The following SENP2 variants were observed in gnomAD, a reference collection of about 807,000 sequenced individuals.
The protein encoded by SENP2 is SUMO specific peptidase 2.
In SENP2, 16 loss-of-function variants were observed where a neutral mutation model predicts 86.3. The ratio of observed to expected loss-of-function variants is 0.19; its 90% CI spans 0.13 to 0.28. SENP2 has a LOEUF of 0.28. Ranked by LOEUF, SENP2 falls within the 10% of genes least tolerant of loss-of-function variation. SENP2 has a pLI of 1.00. For synonymous variants in SENP2, 222 were observed against 238.7 expected, an observed-to-expected ratio of 0.93 and a Z score of 0.64; for missense variants, 552 against 703.0, an observed-to-expected ratio of 0.79 and a Z score of 2.43.
At chr3:185,603,903 C>G (rs546110203) in intron 5 of SENP2, among the ~76,000 whole-genome samples, 7 of 152,176 alleles carry the variant, frequency 4.6e-5, no homozygotes, top group Non-Finnish European at 8.8e-5. Flanking sequence ...GGGCAGATCA[C>G]TTGAGGCCAG....
At chr3:185,605,320 G>C (rs932012278) in intron 5 of SENP2, among the ~76,000 whole-genome samples, 1 of 151,618 alleles carries the variant, frequency 6.6e-6, no homozygotes, top group South Asian at 2.1e-4. Flanking sequence ...GCAGTGAGCC[G>C]AGATCGTGCC....
chr3:185,590,028 T>G, intron 1 of SENP2, 86 bp from the exon 2 acceptor site: 2 of 668,258 alleles, frequency 3.0e-6, no homozygotes, highest in Non-Finnish European at 2.4e-6. Context: ...AGAAGGGGGA[T>G]GTGTTATATG....
chr3:185,613,523 G>GT (rs950074953), intron 10 of SENP2, 115 bp downstream of exon 10: 8 of 617,002 alleles, frequency 1.3e-5, no homozygotes, highest in Non-Finnish European at 2.2e-5. Context: ...TAATTCTGTT[G>GT]TTTTTCTTTA....
rs974492159 is a variant in SENP2 at position 185,618,494 on chromosome 3, A to G, written c.1243-805A>G. On this transcript the variant is annotated intron_variant, in intron 12 of 16. Coordinates refer to ENST00000296257, the MANE Select transcript of SENP2 (RefSeq NM_021627.3). ...ACTTATAAACACATTCTTTGAAAAC[A>G]GGAATGTTTTGTTTTACATTATAAA... 7.2e-5 allele frequency among the ~76,000 whole-genome samples: 11 copies of G among 152,358 alleles called. No individual in the cohort carries two copies. The East Asian group carries it at 2.1e-3, about 29-fold the overall frequency.
chr3:185,602,921 T>C (rs1222174722), intron 5 of SENP2, among the ~76,000 whole-genome samples: 1 of 148,182 alleles, frequency 6.7e-6, no homozygotes, highest in African/African-American at 2.5e-5. Context: ...CTTTTTTTTT[T>C]TTTTTTTTTG....
chr3:185,612,869 G>A (rs151141344), intron 9 of SENP2, among the ~76,000 whole-genome samples: 7 of 152,224 alleles, frequency 4.6e-5, no homozygotes, highest in East Asian at 1.9e-4. Flanking sequence ...TCTCCCAGGC[G>A]TCAGGGGTTG....
At chr3:185,619,649 T>A (rs1711764836) in intron 13 of SENP2, 147 bp downstream of exon 13, 3 of 459,270 alleles carry the variant, frequency 6.5e-6, no homozygotes, top group African/African-American at 4.0e-5. Flanking sequence ...GTTTTTTTTT[T>A]AATGTCCCAT....
chr3:185,615,142 T>C (rs900511032), intron 11 of SENP2, among the ~76,000 whole-genome samples: 1 of 152,132 alleles, frequency 6.6e-6, no homozygotes, highest in East Asian at 1.9e-4. Context: ...TTGAAAATAG[T>C]AAAAACTTAC....
intron 13 of SENP2, among the ~76,000 whole-genome samples, chr3:185,620,007 T>G (rs1018076573): frequency 6.6e-6 from 1 of 151,874 alleles, no homozygotes; most frequent in Non-Finnish European, 1.5e-5. Flanking sequence ...GTGTTGGTAT[T>G]ACAGGTGTGA....
chr3:185,613,098 A>C (rs555060880), intron 9 of SENP2, among the ~76,000 whole-genome samples: 1 of 152,388 alleles, frequency 6.6e-6, no homozygotes, highest in South Asian at 2.1e-4. Context: ...ATTCATTTAC[A>C]TACTGTCTGG....
chr3:185,592,498 G>A (rs1429934024), intron 2 of SENP2, among the ~76,000 whole-genome samples: 1 of 152,142 alleles, frequency 6.6e-6, no homozygotes, highest in Admixed American at 6.6e-5. Context: ...TGGTAATTGA[G>A]TGTGGACATA....
intron 1 of SENP2, among the ~76,000 whole-genome samples, chr3:185,587,054 C>T (rs1258281666): frequency 6.6e-6 from 1 of 152,212 alleles, no homozygotes; most frequent in Non-Finnish European, 1.5e-5. Flanking sequence ...AGGTGCCTCA[C>T]TCCTTTAAAA....
chr3:185,611,568 G>A (rs1234202755), intron 7 of SENP2, 83 bp from the exon 8 acceptor site: 3 of 815,974 alleles, frequency 3.7e-6, no homozygotes, highest in Non-Finnish European at 6.1e-6. Flanking sequence ...CCTATTTGGA[G>A]AAGCTTGCTG....
At position 185,619,437 on chromosome 3, in the gene SENP2, G is replaced by T; in HGVS notation, c.1381G>T (p.Val461Leu). 2.5e-6 allele frequency: 4 copies of T among 1,614,104 alleles called. No homozygotes were observed. Among genetic ancestry groups the T allele is most frequent in the Non-Finnish European group, 3.4e-6 (4 of 1,179,978 alleles). ...YQAVKRWTKG[V>L]NLFEQEIILV... ...AGCAGTGAAACGATGGACCAAAGGGGTAAATCTCTTTGAACAAGAAATTAT... is the reference window on the plus strand; with the variant it reads ...AGCAGTGAAACGATGGACCAAAGGGTTAAATCTCTTTGAACAAGAAATTAT... The change falls in exon 13 of 17, where the codon GTA becomes TTA. Residue 461 changes from valine (V) to leucine (L), a missense_variant. Transcript: ENST00000296257.
intron 2 of SENP2, among the ~76,000 whole-genome samples, chr3:185,594,165 T>TAA (rs1342038449): frequency 6.8e-6 from 1 of 147,652 alleles, no homozygotes; most frequent in African/African-American, 2.5e-5. Context: ...TGGATGTGGT[T>TAA]AAAAAAAAAA....
intron 16 of SENP2, among the ~76,000 whole-genome samples, chr3:185,628,595 C>G (rs750806400): frequency 8.5e-5 from 13 of 152,210 alleles, no homozygotes; most frequent in Non-Finnish European, 1.5e-4. Context: ...CAACCTCCGC[C>G]TCCCGGGTTC....
At chr3:185,625,811 A>G (rs908990982) in intron 15 of SENP2, among the ~76,000 whole-genome samples, 3 of 152,194 alleles carry the variant, frequency 2.0e-5, no homozygotes, top group Non-Finnish European at 2.9e-5. Context: ...CCTTTTTAAA[A>G]TTGATAAATG....
At chr3:185,622,554 T>C (rs1346476465) in intron 14 of SENP2, among the ~76,000 whole-genome samples, 1 of 152,138 alleles carries the variant, frequency 6.6e-6, no homozygotes, top group African/African-American at 2.4e-5. Flanking sequence ...TAAAATATTA[T>C]TTTTATTTAT....
intron 7 of SENP2, among the ~76,000 whole-genome samples, chr3:185,610,743 G>C (rs554249872): frequency 6.7e-6 from 1 of 148,348 alleles, no homozygotes; most frequent in Non-Finnish European, 1.5e-5. Flanking sequence ...GGATCACGAG[G>C]TCAGGAGATC....
Sources: allele counts gnomAD v4.1 joint callset (sites outside exome capture counted in the v4.1 genomes callset), GRCh38; gene constraint gnomAD v4.1.1; transcripts MANE v1.5; gene names NCBI Gene and HGNC (gene_info 2026-07-23, HGNC 2026-07-21).